Variants in AGPS observed in about 807,000 individuals in gnomAD.
AGPS encodes alkyldihydroxyacetonephosphate synthase, peroxisomal.
A neutral mutation model predicts 90.7 loss-of-function variants in AGPS; 26 were observed. The observed-to-expected ratio is 0.29, with a 90% CI of 0.21 to 0.40. The LOEUF (loss-of-function observed/expected upper bound fraction) is 0.40. Ranked by LOEUF, AGPS falls within the 10% of genes least tolerant of loss-of-function variation. The pLI is 1.00. For missense variants in AGPS, 540 were observed against 816.1 expected (o/e 0.66, Z 4.12); for synonymous variants, 294 against 285.3 (o/e 1.03, Z -0.31).
intron 8 of AGPS, among the ~76,000 whole-genome samples, chr2:177,453,345 C>T (rs113599316): frequency 0.039 from 5,878 of 151,544 alleles, 242 homozygotes; most frequent in African/African-American, 0.1. Flanking sequence ...GATATCGGCT[C>T]ACCACAACCT....
At chr2:177,537,732 G>T (rs1460955049) in intron 19 of AGPS, among the ~76,000 whole-genome samples, 1 of 152,072 alleles carries the variant, frequency 6.6e-6, no homozygotes, top group African/African-American at 2.4e-5. Context: ...AAACTTGGGT[G>T]TGTTTTGGTA....
chr2:177,439,831 C>T lies in AGPS; in HGVS notation c.638-1134C>T, dbSNP rs557862026. On this transcript the variant is annotated intron_variant, in intron 5 of 19. Coordinates refer to ENST00000264167, the MANE Select transcript of AGPS (RefSeq NM_003659.4). ...GAGATTGACTTTTCTAAAACAATCTCTTTGCCATCTTGTTCCCCTCCTTAA... is the reference window on the plus strand; with the variant it reads ...GAGATTGACTTTTCTAAAACAATCTTTTTGCCATCTTGTTCCCCTCCTTAA... 5.7e-4 allele frequency among the ~76,000 whole-genome samples: 87 copies of T among 152,256 alleles called. No individual in the cohort carries two copies. In the South Asian group the frequency reaches 7.5e-3, roughly 13 times the overall value.
chr2:177,510,101 GC>G (rs1331738815), intron 16 of AGPS, among the ~76,000 whole-genome samples: 3 of 152,122 alleles, frequency 2.0e-5, no homozygotes, highest in African/African-American at 7.2e-5. Context: ...AGCCAGTTTG[GC>G]CTGCTATACA....
At chr2:177,398,987 G>T (rs1574337374) in intron 1 of AGPS, among the ~76,000 whole-genome samples, 1 of 152,172 alleles carries the variant, frequency 6.6e-6, no homozygotes, top group South Asian at 2.1e-4. Flanking sequence ...AGATTTAATC[G>T]CTGTGGTTAT....
intron 10 of AGPS, among the ~76,000 whole-genome samples, chr2:177,480,744 A>C (rs952193978): frequency 1.3e-5 from 2 of 151,600 alleles, no homozygotes; most frequent in Non-Finnish European, 2.9e-5. Context: ...TATATATATA[A>C]ATTTAAAAAT....
Position 177,513,876 on chromosome 2 carries a change from G to A in AGPS, c.1665G>A (p.Lys555=), listed in dbSNP as rs759313804. The A allele has an allele frequency of 1.5e-5, 25 of 1,613,538 alleles. No homozygotes were observed. Among genetic ancestry groups the A allele is most frequent in the Non-Finnish European group, 1.8e-5 (21 of 1,179,692 alleles). ...KERITRECKE[K]GVQFAPFSTC... ...GAATAACAAGGGAATGCAAAGAGAA[G>A]GGTGTTCAGTTTGCTCCTTTTTCTA... Residue 555 remains lysine (K), a synonymous_variant, in exon 17 of 20, where the codon AAG becomes AAA. Transcript: ENST00000264167.
At chr2:177,518,422 G>T (rs562308271) in intron 17 of AGPS, among the ~76,000 whole-genome samples, 5 of 152,002 alleles carry the variant, frequency 3.3e-5, no homozygotes, top group South Asian at 2.1e-4. Flanking sequence ...GGCAACAATA[G>T]CAAAACTACA....
chr2:177,468,200 T>C, intron 9 of AGPS, among the ~76,000 whole-genome samples: 1 of 152,136 alleles, frequency 6.6e-6, no homozygotes, highest in South Asian at 2.1e-4. Flanking sequence ...AGATGTACAA[T>C]CTTAGAATGG....
At chr2:177,425,280 C>G (rs1383533184) in intron 2 of AGPS, among the ~76,000 whole-genome samples, 1 of 151,972 alleles carries the variant, frequency 6.6e-6, no homozygotes, top group East Asian at 1.9e-4. Context: ...GATATAGTTT[C>G]AATTTTCTGC....
At position 177,538,556 on chromosome 2, in the gene AGPS, C is replaced by A. The variant is rs1309071911; in HGVS notation, c.*361C>A. 9.8e-6 allele frequency: 3 copies of A among 304,878 alleles called. No homozygotes were observed. Among genetic ancestry groups the A allele is most frequent in the Non-Finnish European group, 1.9e-5 (3 of 160,290 alleles). 18.9% of individuals were successfully genotyped at this position (304,878 alleles called of 1,614,324 possible). The stretch of plus-strand genomic sequence containing the variant: ...TTGGTATCATTGATTGCTCAGCTAG[C>A]CTCTTTTTAAAAGAACGTTTCTGGG... On this transcript the variant is annotated 3_prime_UTR_variant, in exon 20 of 20. Transcript: ENST00000264167.
chr2:177,450,618 C>T (rs1294359179), intron 8 of AGPS, among the ~76,000 whole-genome samples: 1 of 152,116 alleles, frequency 6.6e-6, no homozygotes, highest in Non-Finnish European at 1.5e-5. Context: ...ATGTCTGCTT[C>T]TAGTTCTGGA....
intron 10 of AGPS, among the ~76,000 whole-genome samples, chr2:177,473,574 A>G (rs1266845459): frequency 1.8e-4 from 27 of 152,234 alleles, no homozygotes; most frequent in Admixed American, 1.7e-3. Context: ...AAGTACTGGC[A>G]TAACATACAT....
chr2:177,442,667 C>T (rs1686643271), intron 7 of AGPS, among the ~76,000 whole-genome samples, 181 bp downstream of exon 7: 1 of 151,742 alleles, frequency 6.6e-6, no homozygotes, highest in African/African-American at 2.4e-5. Context: ...GCCAACATAG[C>T]AAAACCTCAT....
Position 177,482,115 on chromosome 2 carries a change from C to A in AGPS, c.1162C>A (p.Gln388Lys), listed in dbSNP as rs1238809278. The A allele has an allele frequency of 1.2e-6, 2 of 1,605,422 alleles. No homozygotes were observed. Among genetic ancestry groups the A allele is most frequent in the Non-Finnish European group, 1.7e-6 (2 of 1,174,572 alleles). Reference sequence around the variant, plus strand: ...AAAAATCAGACCAGTCCCTGAATACCAAAAGTATGGCTCAGTAGCTTTCCC... The same window carrying A: ...AAAAATCAGACCAGTCCCTGAATACAAAAAGTATGGCTCAGTAGCTTTCCC... ...TIKIRPVPEY[Q>K]KYGSVAFPNF... Residue 388 changes from glutamine (Q) to lysine (K), a missense_variant, in exon 11 of 20, where the codon CAA (glutamine) becomes AAA (lysine). Around this residue, in one of 2 missense-constraint regions of AGPS, gnomAD observed 405 missense variants for 692.1 expected, o/e 0.59. Coordinates refer to ENST00000264167, the MANE Select transcript of AGPS (RefSeq NM_003659.4).
chr2:177,456,657 C>T (rs1034024665), intron 8 of AGPS, among the ~76,000 whole-genome samples: 4 of 152,040 alleles, frequency 2.6e-5, no homozygotes, highest in Non-Finnish European at 5.9e-5. Context: ...ATAGTACCTG[C>T]TTGTAATTGG....
chr2:177,397,234 G>A (rs551004608), intron 1 of AGPS, among the ~76,000 whole-genome samples: 74 of 152,142 alleles, frequency 4.9e-4, no homozygotes, highest in African/African-American at 1.6e-3. Context: ...ACCACGTCTG[G>A]CCGGCTCCAA....
chr2:177,393,149 G>A (rs1196910200), intron 1 of AGPS, 100 bp downstream of exon 1: 8 of 1,548,844 alleles, frequency 5.2e-6, no homozygotes, highest in Non-Finnish European at 7.0e-6. Context: ...GACACGGGTG[G>A]GCGGAAGGCA....
At chr2:177,460,490 G>T (rs1293449079) in intron 8 of AGPS, among the ~76,000 whole-genome samples, 1 of 152,186 alleles carries the variant, frequency 6.6e-6, no homozygotes, top group Non-Finnish European at 1.5e-5. Context: ...TGTACTTAAA[G>T]ATTTGCTTCT....
At chr2:177,437,108 A>T (rs1210128341) in intron 5 of AGPS, 54 bp downstream of exon 5, 20 of 1,521,254 alleles carry the variant, frequency 1.3e-5, no homozygotes, top group Non-Finnish European at 1.8e-5. Flanking sequence ...TTTTAGGTAA[A>T]TTTAACATTG....
Sources: allele counts gnomAD v4.1 joint callset (sites outside exome capture counted in the v4.1 genomes callset), GRCh38; gene constraint gnomAD v4.1.1; regional missense constraint gnomAD v4.1.1; transcripts MANE v1.5; gene names NCBI Gene and HGNC (gene_info 2026-07-23, HGNC 2026-07-21).